The following EGFLAM variants were observed in gnomAD, a reference collection of about 807,000 sequenced individuals.
EGFLAM encodes EGF like, fibronectin type III and laminin G domains.
In EGFLAM, 79 loss-of-function variants were observed where a neutral mutation model predicts 113.1. The ratio of observed to expected loss-of-function variants is 0.70; its 90% CI spans 0.58 to 0.84. EGFLAM has a LOEUF of 0.84. Among genes scored for constraint, EGFLAM ranks in the 40% least tolerant of loss-of-function variants. The probability of loss-of-function intolerance (pLI) is 0.00; values close to 1 mark genes in which losing one functional copy is unlikely to be tolerated. For synonymous variants in EGFLAM, 504 were observed against 487.6 expected, an observed-to-expected ratio of 1.03 and a Z score of -0.44; for missense variants, 1,265 against 1,291.6, an observed-to-expected ratio of 0.98 and a Z score of 0.32.
intron 18 of EGFLAM, among the ~76,000 whole-genome samples, chr5:38,450,813 G>A (rs557225033): frequency 3.1e-5 from 4 of 130,466 alleles, no homozygotes; most frequent in African/African-American, 1.8e-4. Context: ...TTCACTATCA[G>A]GCCTTGTTCC....
At chr5:38,302,743 G>T (rs1289732575) in intron 1 of EGFLAM, among the ~76,000 whole-genome samples, 1 of 148,732 alleles carries the variant, frequency 6.7e-6, no homozygotes, top group African/African-American at 2.5e-5. Context: ...TGGAAAACAA[G>T]CCTTTTCTCC....
chr5:38,352,539 C>T (rs1739657009), intron 5 of EGFLAM, among the ~76,000 whole-genome samples: 1 of 151,656 alleles, frequency 6.6e-6, no homozygotes, highest in Non-Finnish European at 1.5e-5. Flanking sequence ...CTCAGCTACT[C>T]AGGAGGCTGA....
chr5:38,395,422 T>A (rs914028136), intron 6 of EGFLAM, among the ~76,000 whole-genome samples: 24 of 151,748 alleles, frequency 1.6e-4, no homozygotes, highest in African/African-American at 4.6e-4. Context: ...TAATTAAAAA[T>A]TTTTTTTTCT....
chr5:38,338,531 A>C (rs1319032249), intron 2 of EGFLAM, among the ~76,000 whole-genome samples, 167 bp from the exon 3 acceptor site: 1 of 151,848 alleles, frequency 6.6e-6, no homozygotes, highest in Non-Finnish European at 1.5e-5. Context: ...AGTTTGCAAC[A>C]CCCCCCACCC....
At position 38,258,733 on chromosome 5, in the gene EGFLAM, C is replaced by T. The variant is rs773523541; in HGVS notation, c.-22C>T. ...CGTGTGCGCCCGGGACTTGGTGAAA[C>T]TTTGCAGGCGCCGGCTGCGAAATGG... On this transcript the variant is annotated 5_prime_UTR_variant, in exon 1 of 22. Coordinates refer to ENST00000322350, the MANE Select transcript of EGFLAM (RefSeq NM_152403.4). 1 of 1,596,700 alleles carries T rather than the reference C, an allele frequency of 6.3e-7. No individual in the cohort carries two copies. Among genetic ancestry groups the T allele is most frequent in the Non-Finnish European group, 8.5e-7 (1 of 1,171,066 alleles).
chr5:38,332,426 C>T (rs71604896), intron 1 of EGFLAM, among the ~76,000 whole-genome samples: 21 of 152,078 alleles, frequency 1.4e-4, no homozygotes, highest in Non-Finnish European at 8.8e-5. Flanking sequence ...TTTTACTCAT[C>T]TCCCTCCACC....
rs1273692254 is a variant in EGFLAM, at chr5:38,327,647, T to C, written c.98-9873T>C. On this transcript the variant is annotated intron_variant, in intron 1 of 21. Coordinates refer to ENST00000322350, the MANE Select transcript of EGFLAM (RefSeq NM_152403.4). ...TTATTTTGAAATACATTTAGATTTA[T>C]AGAAGGGTTGGGTAGTCACTAGAGA... 2.0e-5 allele frequency among the ~76,000 whole-genome samples: 3 copies of C among 152,214 alleles called. No homozygotes were observed. In the East Asian group the frequency reaches 5.8e-4, roughly 29 times the overall value.
chr5:38,459,018 C>T (rs1179902225), intron 20 of EGFLAM, among the ~76,000 whole-genome samples: 1 of 151,824 alleles, frequency 6.6e-6, no homozygotes, highest in African/African-American at 2.4e-5. Context: ...GGCAATCCTC[C>T]CCCCTCCCTC....
chr5:38,363,478 GGT>G (rs1157335913), intron 5 of EGFLAM, among the ~76,000 whole-genome samples: 8 of 152,074 alleles, frequency 5.3e-5, no homozygotes, highest in African/African-American at 1.9e-4. Context: ...AAATCACAAT[GGT>G]ATTAACAATT....
chr5:38,351,109 C>CT (rs981908561), intron 4 of EGFLAM, among the ~76,000 whole-genome samples: 6,346 of 135,732 alleles, frequency 0.047, 180 homozygotes, highest in African/African-American at 0.056. Context: ...AGCAGCACTT[C>CT]TTTTTTTTTT....
chr5:38,347,646 C>T (rs1739509187), intron 3 of EGFLAM, among the ~76,000 whole-genome samples: 1 of 152,048 alleles, frequency 6.6e-6, no homozygotes, highest in Non-Finnish European at 1.5e-5. Flanking sequence ...TAAATTTGAG[C>T]CCTGCCAAGT....
chr5:38,374,959 T>C (rs541507718), intron 6 of EGFLAM, among the ~76,000 whole-genome samples: 8 of 152,336 alleles, frequency 5.3e-5, no homozygotes, highest in African/African-American at 1.9e-4. Context: ...GTTTCTTGCT[T>C]GAGTTGACTT....
chr5:38,403,142 G>A (rs1741168146), intron 6 of EGFLAM: 1 of 152,266 alleles, frequency 6.6e-6, no homozygotes. Context: ...AAAGGACAGA[G>A]GGGAGAAAGA....
rs2112207138 is a variant in EGFLAM at position 38,431,167 on chromosome 5, C to T, written c.2055-10C>T. On this transcript the variant is annotated splice_polypyrimidine_tract_variant and intron_variant, in intron 14 of 21. Coordinates refer to ENST00000322350, the MANE Select transcript of EGFLAM (RefSeq NM_152403.4). ...ATACATAAAAATAATATCACATCTT[C>T]CTTCCACAGGAGTGAAGATCCCCTC... The T allele has an allele frequency of 6.2e-7, 1 of 1,612,768 alleles. No individual in the cohort carries two copies. The highest frequency in any genetic ancestry group is 2.2e-5 in the East Asian group (1 of 44,870).
chr5:38,374,834 G>A (rs1215083483), intron 6 of EGFLAM, among the ~76,000 whole-genome samples: 3 of 152,214 alleles, frequency 2.0e-5, no homozygotes, highest in Admixed American at 2.0e-4. Flanking sequence ...ACAGCTTAAA[G>A]GTTAAAAGCA....
chr5:38,258,955 A>G (rs768448150), intron 1 of EGFLAM, 104 bp downstream of exon 1: 362 of 1,246,380 alleles, frequency 2.9e-4, no homozygotes, highest in Non-Finnish European at 3.2e-4. Context: ...CTCCCCGACC[A>G]ACGTCTGCTT....
chr5:38,357,012 G>C (rs971861497), intron 5 of EGFLAM, among the ~76,000 whole-genome samples: 1 of 152,212 alleles, frequency 6.6e-6, no homozygotes, highest in African/African-American at 2.4e-5. Context: ...AAAAAGCCCA[G>C]GAGGTCTCTC....
At chr5:38,283,111 A>G (rs1758060784) in intron 1 of EGFLAM, among the ~76,000 whole-genome samples, 1 of 152,194 alleles carries the variant, frequency 6.6e-6, no homozygotes, top group Admixed American at 6.5e-5. Context: ...TGCTGGGATT[A>G]TAAGTGTTAG....
intron 12 of EGFLAM, among the ~76,000 whole-genome samples, chr5:38,420,040 A>AAAAAC (rs77417353): frequency 6.6e-5 from 10 of 152,212 alleles, no homozygotes; most frequent in South Asian, 4.1e-4. Context: ...ACAAAAAACA[A>AAAAAC]AAAACAAAAC....
Sources: gnomAD v4.1 joint callset for allele counts (sites outside exome capture counted in the v4.1 genomes callset) on GRCh38, gnomAD v4.1.1 for gene constraint, MANE v1.5 for transcripts, NCBI Gene and HGNC (gene_info 2026-07-23, HGNC 2026-07-21) for gene names.